The following ZCWPW2 variants were observed in gnomAD, a reference collection of about 807,000 sequenced individuals.
ZCWPW2 encodes zinc finger CW-type PWWP domain protein 2.
Under a neutral mutation model 46.6 loss-of-function variants are expected in ZCWPW2, and 45 were observed. That is an observed-to-expected ratio of 0.96 (90% CI 0.76 to 1.24). ZCWPW2 has a LOEUF of 1.24. Among genes scored for constraint, ZCWPW2 ranks in the 50% most tolerant of loss-of-function variants. The probability of loss-of-function intolerance (pLI) is 0.00; values close to 1 mark genes in which losing one functional copy is unlikely to be tolerated. For missense variants in ZCWPW2, 429 were observed against 403.9 expected, an observed-to-expected ratio of 1.06 and a Z score of -0.53; for synonymous variants, 152 against 137.1, an observed-to-expected ratio of 1.11 and a Z score of -0.76.
intron 2 of ZCWPW2, among the ~76,000 whole-genome samples, chr3:28,400,759 C>A (rs1695888089): frequency 1.3e-5 from 2 of 152,170 alleles, no homozygotes; most frequent in African/African-American, 4.8e-5. Flanking sequence ...TCGCCACTAC[C>A]AAGCTACCAC....
At chr3:28,512,506 C>T (rs1700454241) in intron 6 of ZCWPW2, among the ~76,000 whole-genome samples, 1 of 152,016 alleles carries the variant, frequency 6.6e-6, no homozygotes, top group Non-Finnish European at 1.5e-5. Context: ...TATTCTTAGT[C>T]ATTATCACTG....
chr3:28,389,804 A>G (rs1695416412), intron 1 of ZCWPW2, among the ~76,000 whole-genome samples: 1 of 152,054 alleles, frequency 6.6e-6, no homozygotes, highest in Non-Finnish European at 1.5e-5. Flanking sequence ...TGGGCTGGAG[A>G]CTCAGGGAAG....
In ZCWPW2 at chr3:28,393,484, A is replaced by C. The variant is rs1024450554; in HGVS notation, c.-14+2867A>C. Among the ~76,000 whole-genome samples, 12 of 152,140 alleles carry C rather than the reference A, an allele frequency of 7.9e-5. 1 individual carries two copies. Among genetic ancestry groups the C allele is most frequent in the African/African-American group, 2.4e-4 (10 of 41,446 alleles). On this transcript the variant is annotated intron_variant, in intron 2 of 9. Coordinates refer to ENST00000383768, the MANE Select transcript of ZCWPW2 (RefSeq NM_001040432.4). Reference sequence around the variant, plus strand: ...TACCACAATCAGACAAGGACACTACAAGAAAAGAAAATTACAGGTCAATAT... The same window carrying C: ...TACCACAATCAGACAAGGACACTACCAGAAAAGAAAATTACAGGTCAATAT...
At chr3:28,379,614 A>C (rs1559480062) in intron 1 of ZCWPW2, among the ~76,000 whole-genome samples, 1 of 149,952 alleles carries the variant, frequency 6.7e-6, no homozygotes, top group Non-Finnish European at 1.5e-5. Context: ...TTTCCAAAAC[A>C]TTTTTTTTTT....
chr3:28,510,956 G>A, intron 6 of ZCWPW2: 1 of 421,104 alleles, frequency 2.4e-6, no homozygotes, highest in Non-Finnish European at 4.7e-6. Context: ...GTCACTAAGG[G>A]AACCAGATTG....
chr3:28,515,646 T>G (rs1266672952), intron 8 of ZCWPW2, 25 bp downstream of exon 8: 2 of 1,585,342 alleles, frequency 1.3e-6, no homozygotes, highest in South Asian at 2.2e-5. Context: ...GTCCTGCTTT[T>G]AGTTCTTTAA....
intron 3 of ZCWPW2, among the ~76,000 whole-genome samples, chr3:28,423,355 G>A (rs1458778676): frequency 6.8e-6 from 1 of 146,878 alleles, no homozygotes; most frequent in African/African-American, 2.5e-5. Context: ...CTCATCCTGT[G>A]AGCTATCTTT....
intron 2 of ZCWPW2, among the ~76,000 whole-genome samples, chr3:28,409,177 T>C (rs1696297868): frequency 7.0e-6 from 1 of 143,270 alleles, no homozygotes; most frequent in African/African-American, 2.6e-5. Context: ...CTGGAATGCA[T>C]GGTGCGATCT....
chr3:28,522,859 T>C (rs926468299), intron 9 of ZCWPW2, among the ~76,000 whole-genome samples: 3 of 152,204 alleles, frequency 2.0e-5, no homozygotes, highest in African/African-American at 7.2e-5. Flanking sequence ...ATAATTAATA[T>C]ACAAATTATT....
chr3:28,483,760 T>C (rs1699506392), intron 5 of ZCWPW2, among the ~76,000 whole-genome samples: 1 of 152,214 alleles, frequency 6.6e-6, no homozygotes, highest in Admixed American at 6.5e-5. Context: ...AATTCTAATG[T>C]GTTTTCATTT....
intron 5 of ZCWPW2, among the ~76,000 whole-genome samples, chr3:28,486,037 G>A (rs756891110): frequency 6.6e-6 from 1 of 151,252 alleles, no homozygotes; most frequent in African/African-American, 2.4e-5. Flanking sequence ...TTGTGATTTT[G>A]AGATTTTAAA....
chr3:28,393,093 A>T (rs1294583279), intron 2 of ZCWPW2, among the ~76,000 whole-genome samples: 1 of 150,978 alleles, frequency 6.6e-6, no homozygotes. Context: ...GACTGAAATA[A>T]AATAAGAAAT....
At chr3:28,431,971 G>A (rs1697274515) in intron 3 of ZCWPW2, among the ~76,000 whole-genome samples, 1 of 152,160 alleles carries the variant, frequency 6.6e-6, no homozygotes, top group South Asian at 2.1e-4. Context: ...GAAGTGCTGA[G>A]CAAAGAGGGA....
intron 6 of ZCWPW2, among the ~76,000 whole-genome samples, chr3:28,509,522 A>C (rs1384644488): frequency 6.6e-6 from 1 of 152,124 alleles, no homozygotes; most frequent in African/African-American, 2.4e-5. Context: ...AATATTAGCT[A>C]TCCTAGTGGG....
At chr3:28,489,238 T>C (rs1399135250) in intron 5 of ZCWPW2, among the ~76,000 whole-genome samples, 1 of 152,182 alleles carries the variant, frequency 6.6e-6, no homozygotes, top group Non-Finnish European at 1.5e-5. Context: ...TTTTTGAGTT[T>C]CTTTTTGTTT....
chr3:28,404,460 G>C (rs532770266), intron 2 of ZCWPW2, among the ~76,000 whole-genome samples: 3 of 152,298 alleles, frequency 2.0e-5, no homozygotes, highest in South Asian at 2.1e-4. Flanking sequence ...GTGGAAAACA[G>C]TGTGGAGATT....
At chr3:28,399,519 C>G (rs887203544) in intron 2 of ZCWPW2, among the ~76,000 whole-genome samples, 1 of 152,160 alleles carries the variant, frequency 6.6e-6, no homozygotes, top group Admixed American at 6.5e-5. Context: ...TAAGGAACCT[C>G]CCAGAGTCCA....
At chr3:28,417,329 T>A (rs1696631835) in intron 3 of ZCWPW2, among the ~76,000 whole-genome samples, 1 of 152,032 alleles carries the variant, frequency 6.6e-6, no homozygotes, top group Admixed American at 6.6e-5. Context: ...AAGTTGAATC[T>A]CTGAATAGAC....
intron 3 of ZCWPW2, among the ~76,000 whole-genome samples, chr3:28,433,537 C>T (rs1433215855): frequency 2.6e-5 from 4 of 152,112 alleles, no homozygotes; most frequent in African/African-American, 9.7e-5. Context: ...GAGGCCAAGG[C>T]GGGCGGATCA....
Sources: allele counts gnomAD v4.1 joint callset (sites outside exome capture counted in the v4.1 genomes callset), GRCh38; gene constraint gnomAD v4.1.1; transcripts MANE v1.5; gene names NCBI Gene and HGNC (gene_info 2026-07-23, HGNC 2026-07-21).